The following ADAM18 variants were observed in gnomAD, a reference collection of about 807,000 sequenced individuals.
ADAM18 encodes disintegrin and metalloproteinase domain-containing protein 18.
ADAM18 carries 117 observed loss-of-function variants against 94.4 expected under a neutral mutation model. That is an observed-to-expected ratio of 1.24 (90% CI 1.07 to 1.45). The LOEUF (loss-of-function observed/expected upper bound fraction) is 1.45. Ranked by LOEUF, ADAM18 falls within the 40% of genes most tolerant of loss-of-function variation. ADAM18 has a pLI of 0.00. For synonymous variants in ADAM18, 327 were observed against 291.6 expected (o/e 1.12, Z -1.24); for missense variants, 936 against 880.0 (o/e 1.06, Z -0.81).
intron 6 of ADAM18, among the ~76,000 whole-genome samples, chr8:39,628,244 ACT>A (rs1819828232): frequency 1.3e-5 from 2 of 151,802 alleles, no homozygotes; most frequent in South Asian, 4.1e-4. Flanking sequence ...AAAAGACCAA[ACT>A]CACATATTTT....
intron 9 of ADAM18, among the ~76,000 whole-genome samples, chr8:39,637,976 T>G (rs1170847321): frequency 5.3e-5 from 8 of 152,132 alleles, no homozygotes; most frequent in Middle Eastern, 3.4e-3. Flanking sequence ...AGAAAACATA[T>G]AATCCTTAGT....
At chr8:39,638,364 A>G in intron 9 of ADAM18, 101 bp from the exon 10 acceptor site, 1 of 695,208 alleles carries the variant, frequency 1.4e-6, no homozygotes, top group Non-Finnish European at 2.3e-6. Flanking sequence ...ATATATTTGC[A>G]AAGTCATTTT....
chr8:39,596,284 CAT>C (rs1202184976), intron 2 of ADAM18, among the ~76,000 whole-genome samples: 1 of 152,152 alleles, frequency 6.6e-6, no homozygotes, highest in African/African-American at 2.4e-5. Flanking sequence ...CTAATAGTAT[CAT>C]ACAGAATAAG....
chr8:39,641,312 G>C (rs568926093), intron 10 of ADAM18, among the ~76,000 whole-genome samples: 1 of 152,138 alleles, frequency 6.6e-6, no homozygotes, highest in East Asian at 1.9e-4. Flanking sequence ...TATGTGTGTG[G>C]TCTTATTTCT....
chr8:39,725,287 A>C (rs1223081691), intron 19 of ADAM18, among the ~76,000 whole-genome samples: 1 of 152,080 alleles, frequency 6.6e-6, no homozygotes, highest in Non-Finnish European at 1.5e-5. Context: ...GGCCATAAAT[A>C]TATCACCTCC....
chr8:39,633,455 G>C (rs2129579186), intron 7 of ADAM18, among the ~76,000 whole-genome samples: 1 of 152,256 alleles, frequency 6.6e-6, no homozygotes, highest in South Asian at 2.1e-4. Flanking sequence ...ACAGTTTTTA[G>C]AAATTACTTA....
intron 14 of ADAM18, among the ~76,000 whole-genome samples, chr8:39,675,909 G>C (rs115531152): frequency 6.0e-4 from 92 of 152,330 alleles, no homozygotes; most frequent in African/African-American, 2.1e-3. Flanking sequence ...GTTGGAATTT[G>C]TGGGAGGTCC....
At chr8:39,669,604 G>C (rs1290705884) in intron 14 of ADAM18, among the ~76,000 whole-genome samples, 1 of 150,814 alleles carries the variant, frequency 6.6e-6, no homozygotes, top group Non-Finnish European at 1.5e-5. Context: ...TGAGAATGAT[G>C]GTTTCCAGTT....
At chr8:39,717,152 A>T (rs1002931068) in intron 18 of ADAM18, among the ~76,000 whole-genome samples, 5 of 151,820 alleles carry the variant, frequency 3.3e-5, no homozygotes, top group Admixed American at 6.6e-5. Context: ...CTTGTGGCTC[A>T]TATAAAGTAA....
At chr8:39,636,716 A>G (rs890722611) in intron 7 of ADAM18, among the ~76,000 whole-genome samples, 1 of 151,912 alleles carries the variant, frequency 6.6e-6, no homozygotes, top group African/African-American at 2.4e-5. Context: ...TTTGTACATT[A>G]GGTCTCTAGA....
At chr8:39,598,461 GTTA>G (rs1053313750) in intron 2 of ADAM18, among the ~76,000 whole-genome samples, 16 of 151,866 alleles carry the variant, frequency 1.1e-4, no homozygotes, top group African/African-American at 2.9e-4. Flanking sequence ...TATCGCCATC[GTTA>G]TTATTATTCA....
intron 16 of ADAM18, among the ~76,000 whole-genome samples, chr8:39,688,060 T>C (rs879479577): frequency 1.3e-5 from 2 of 152,224 alleles, no homozygotes; most frequent in Non-Finnish European, 2.9e-5. Context: ...CTTTCCACAA[T>C]GGTTGAACTA....
At chr8:39,607,558 G>C (rs1447060081) in intron 3 of ADAM18, among the ~76,000 whole-genome samples, 2 of 152,064 alleles carry the variant, frequency 1.3e-5, no homozygotes, top group South Asian at 2.1e-4. Context: ...TGCTCTGTTT[G>C]TGTTTTAGTC....
chr8:39,607,487 T>C (rs1377992690), intron 3 of ADAM18, among the ~76,000 whole-genome samples: 1 of 152,232 alleles, frequency 6.6e-6, no homozygotes, highest in Admixed American at 6.5e-5. Flanking sequence ...TTTACTTTTC[T>C]TCCTCTACAA....
chr8:39,593,898 A>G (rs897446229), intron 2 of ADAM18, among the ~76,000 whole-genome samples: 6 of 152,102 alleles, frequency 3.9e-5, no homozygotes, highest in Non-Finnish European at 5.9e-5. Context: ...AGCCTAGGCA[A>G]TTGTCTTTGA....
intron 6 of ADAM18, among the ~76,000 whole-genome samples, chr8:39,615,213 A>G (rs1819402054): frequency 6.6e-6 from 1 of 150,660 alleles, no homozygotes; most frequent in Non-Finnish European, 1.5e-5. Context: ...CCATAATGCA[A>G]TTCTCAACAA....
chr8:39,719,630 T>TA (rs1822690970), intron 18 of ADAM18, among the ~76,000 whole-genome samples: 1 of 151,146 alleles, frequency 6.6e-6, no homozygotes, highest in Non-Finnish European at 1.5e-5. Flanking sequence ...ACCAACTCTA[T>TA]AAAAAAGGGG....
intron 3 of ADAM18, among the ~76,000 whole-genome samples, chr8:39,607,225 C>T (rs1819112912): frequency 1.3e-5 from 2 of 152,178 alleles, no homozygotes; most frequent in Non-Finnish European, 2.9e-5. Flanking sequence ...AACATTCTTT[C>T]CCCACGTAAG....
intron 14 of ADAM18, among the ~76,000 whole-genome samples, chr8:39,668,880 T>C (rs944304004): frequency 2.0e-5 from 3 of 152,144 alleles, no homozygotes; most frequent in African/African-American, 7.2e-5. Context: ...CTCAGGAATA[T>C]AATTTGTACC....
Sources: allele counts gnomAD v4.1 joint callset (sites outside exome capture counted in the v4.1 genomes callset), GRCh38; gene constraint gnomAD v4.1.1; transcripts MANE v1.5; gene names NCBI Gene and HGNC (gene_info 2026-07-23, HGNC 2026-07-21).